Variants in DIP2C observed in about 807,000 individuals in gnomAD.
The protein encoded by DIP2C is disco-interacting protein 2 homolog C.
In DIP2C, 33 loss-of-function variants were observed where a neutral mutation model predicts 192.4. The ratio of observed to expected loss-of-function variants is 0.17; its 90% confidence interval spans 0.13 to 0.23. The LOEUF (loss-of-function observed/expected upper bound fraction) is 0.23. Ranked by LOEUF, DIP2C falls within the 10% of genes least tolerant of loss-of-function variation. The probability of loss-of-function intolerance (pLI) is 1.00; values close to 1 mark genes in which losing one functional copy is unlikely to be tolerated. For missense variants in DIP2C, 1,537 were observed against 2,110.1 expected (o/e 0.73, Z 5.32); for synonymous variants, 979 against 864.1 (o/e 1.13, Z -2.33).
chr10:544,952 C>T (rs528543004), intron 1 of DIP2C, among the ~76,000 whole-genome samples: 1 of 152,130 alleles, frequency 6.6e-6, no homozygotes, highest in South Asian at 2.1e-4. Context: ...ATGCTTTAGA[C>T]ATCTCATCTA....
chr10:593,445 A>C (rs1160260457), intron 1 of DIP2C, among the ~76,000 whole-genome samples: 426 of 107,928 alleles, frequency 3.9e-3, no homozygotes, highest in Admixed American at 7.6e-3. Context: ...CAGACCCCAC[A>C]CCCGGGTCTG....
intron 2 of DIP2C, among the ~76,000 whole-genome samples, chr10:473,059 T>A (rs1460324653): frequency 3.3e-5 from 5 of 152,214 alleles, no homozygotes; most frequent in Non-Finnish European, 7.3e-5. Flanking sequence ...CATTCCAGAT[T>A]ACTCTCTGGA....
intron 31 of DIP2C, among the ~76,000 whole-genome samples, chr10:315,789 G>C (rs1480133295): frequency 6.6e-6 from 1 of 151,914 alleles, no homozygotes; most frequent in Admixed American, 6.6e-5. Context: ...GCTCCTTCTG[G>C]GGCTCCGATC....
chr10:570,888 C>T (rs1443740601), intron 1 of DIP2C, among the ~76,000 whole-genome samples: 4 of 152,250 alleles, frequency 2.6e-5, no homozygotes, highest in Admixed American at 2.6e-4. Flanking sequence ...TTTGAAATTC[C>T]ATGTACTGCT....
At chr10:286,447 G>C in intron 33 of DIP2C, 100 bp from the exon 34 acceptor site, 1 of 1,089,808 alleles carries the variant, frequency 9.2e-7, no homozygotes, top group Non-Finnish European at 1.4e-6. Context: ...TTCCTTTCAA[G>C]ACTGTTTAGA....
intron 32 of DIP2C, among the ~76,000 whole-genome samples, chr10:306,954 G>A (rs1956351729): frequency 6.6e-6 from 1 of 152,192 alleles, no homozygotes; most frequent in South Asian, 2.1e-4. Flanking sequence ...AGTCATGCAG[G>A]CAGATCCGTC....
chr10:281,322 C>T lies in DIP2C; in HGVS notation c.4296G>A (p.Glu1432=). The T allele has an allele frequency of 6.2e-6, 10 of 1,609,886 alleles. No homozygotes were observed. Among genetic ancestry groups the T allele is most frequent in the Non-Finnish European group, 6.8e-6 (8 of 1,176,586 alleles). The change falls in exon 36 of 37, where the codon GAG becomes GAA. Residue 1432 remains glutamate (E), a splice_region_variant and synonymous_variant. Transcript: ENST00000280886. ...RRTELTDANG[E]RHDALYVVGA... is the part of the protein sequence containing the mutation. ...CTACCACGTAGAGGGCATCATGGCG[C>T]TCTGTGGAGTAATGACAGCCTGCGT...
At chr10:619,541 G>GCCCGCCCGCCCACCCTCCCACCCTCCCA in intron 1 of DIP2C, among the ~76,000 whole-genome samples, 1 of 67,962 alleles carries the variant, frequency 1.5e-5, no homozygotes, top group Admixed American at 1.4e-4. Flanking sequence ...CCGCCCGCCC[G>GCCCGCCCGCCCACCCTCCCACCCTCCCA]CCCTCCCACC....
At chr10:674,300 A>G (rs1314029463) in intron 1 of DIP2C, among the ~76,000 whole-genome samples, 1 of 152,230 alleles carries the variant, frequency 6.6e-6, no homozygotes, top group African/African-American at 2.4e-5. Context: ...AAAGTGAGCA[A>G]GAGTAGCTAT....
chr10:505,815 G>A (rs1186265574), intron 1 of DIP2C, among the ~76,000 whole-genome samples: 2 of 151,956 alleles, frequency 1.3e-5, no homozygotes, highest in Non-Finnish European at 2.9e-5. Context: ...CACAGGAGAT[G>A]GGGACCACCT....
intron 22 of DIP2C, among the ~76,000 whole-genome samples, chr10:358,964 T>C (rs1285372603): frequency 1.3e-5 from 2 of 151,996 alleles, no homozygotes; most frequent in African/African-American, 4.8e-5. Flanking sequence ...TACTATTAAA[T>C]CAAATTCTTA....
intron 1 of DIP2C, among the ~76,000 whole-genome samples, chr10:492,039 G>T (rs1175545845): frequency 6.6e-6 from 1 of 152,026 alleles, no homozygotes; most frequent in Non-Finnish European, 1.5e-5. Flanking sequence ...CAGAAAACAG[G>T]GGCTAAGAGG....
chr10:311,571 A>C (rs1365557564), intron 31 of DIP2C: 1 of 1,232,548 alleles, frequency 8.1e-7, no homozygotes. Flanking sequence ...GTGAGGCTAC[A>C]GCAGCAGAAG....
chr10:317,723 G>A (rs7908241), intron 31 of DIP2C, among the ~76,000 whole-genome samples: 1,915 of 152,236 alleles, frequency 0.013, 45 homozygotes, highest in African/African-American at 0.04. Context: ...CTCTTCCAGC[G>A]GTGACTCCAA....
At chr10:286,043 G>A (rs1249318874) in intron 34 of DIP2C, among the ~76,000 whole-genome samples, 7 of 152,154 alleles carry the variant, frequency 4.6e-5, no homozygotes, top group African/African-American at 1.7e-4. Flanking sequence ...ATTATTTGAG[G>A]ACAATCTATT....
Position 363,269 on chromosome 10 carries a change from G to A in DIP2C, c.2520C>T (p.Ile840=), listed in dbSNP as rs140563600. 10 of 1,613,014 alleles carry A rather than the reference G, an allele frequency of 6.2e-6. No homozygotes were observed. Among genetic ancestry groups the A allele is most frequent in the Middle Eastern group, 1.6e-4 (1 of 6,084 alleles). The change falls in exon 21 of 37, where the codon ATC becomes ATT. Residue 840 remains isoleucine (I), a synonymous_variant. Coordinates refer to ENST00000280886, the MANE Select transcript of DIP2C (RefSeq NM_014974.3). This position sits in a 1 kb window ranked among gnomAD's most constrained non-coding sequence, Gnocchi z 5.4. ...FSVTVLHDER[I]VIVAEQRPDS... ...CAGGCCTCTGCTCAGCCACGATCAC[G>A]ATCCTCTCGTCGTGCAGCACGGTCA...
At chr10:568,921 G>A (rs920987394) in intron 1 of DIP2C, among the ~76,000 whole-genome samples, 14 of 152,128 alleles carry the variant, frequency 9.2e-5, no homozygotes, top group South Asian at 2.1e-4. Flanking sequence ...GGCACGCTCC[G>A]TATTTTAGAT....
chr10:450,460 C>G (rs1161752338), intron 3 of DIP2C, among the ~76,000 whole-genome samples: 1 of 152,192 alleles, frequency 6.6e-6, no homozygotes, highest in Non-Finnish European at 1.5e-5. Flanking sequence ...CTCTCTTGGG[C>G]CACACTTCCT....
Position 384,162 on chromosome 10 carries a change from G to T in DIP2C, c.1757-16C>A, listed in dbSNP as rs1564643056. On this transcript the variant is annotated splice_polypyrimidine_tract_variant and intron_variant, in intron 15 of 36. Coordinates refer to ENST00000280886, the MANE Select transcript of DIP2C (RefSeq NM_014974.3). ...GCCACTTTTGCTAAAAAGAAAAATA[G>T]AAATAAGTTAACATGTGCCACCGTC... 8 of 1,600,674 alleles carry T rather than the reference G, an allele frequency of 5.0e-6. No homozygotes were observed. The highest frequency in any genetic ancestry group is 2.3e-5 in the East Asian group (1 of 43,972).
Sources: allele counts gnomAD v4.1 joint callset (sites outside exome capture counted in the v4.1 genomes callset), GRCh38; gene constraint gnomAD v4.1.1; non-coding constraint Gnocchi (gnomAD v3.1); transcripts MANE v1.5; gene names NCBI Gene and HGNC (gene_info 2026-07-23, HGNC 2026-07-21).